Variants in DNAH9 observed in about 807,000 individuals in gnomAD.
DNAH9 encodes DNAH9 variant protein.
Under a neutral mutation model 471.6 loss-of-function variants are expected in DNAH9, and 345 were observed. The observed-to-expected ratio is 0.73, with a 90% confidence interval of 0.67 to 0.80. DNAH9 has a LOEUF of 0.80. Among genes scored for constraint, DNAH9 ranks in the 30% least tolerant of loss-of-function variants. DNAH9 has a pLI of 0.00. For missense variants in DNAH9, 5,407 were observed against 5,609.2 expected, an observed-to-expected ratio of 0.96 and a Z score of 1.15; for synonymous variants, 2,093 against 2,123.6, an observed-to-expected ratio of 0.99 and a Z score of 0.40.
intron 50 of DNAH9, among the ~76,000 whole-genome samples, chr17:11,858,433 T>G (rs1244207466): frequency 6.6e-6 from 1 of 152,242 alleles, no homozygotes; most frequent in Non-Finnish European, 1.5e-5. Flanking sequence ...AAATCTTATT[T>G]TAGGTCAGTC....
chr17:11,793,363 C>T, intron 41 of DNAH9, 140 bp from the exon 42 acceptor site: 1 of 689,770 alleles, frequency 1.4e-6, no homozygotes, highest in Non-Finnish European at 2.3e-6. Flanking sequence ...CTCAGTGTTC[C>T]CTCCACTAGA....
intron 41 of DNAH9, among the ~76,000 whole-genome samples, chr17:11,788,969 A>T (rs941408468): frequency 6.6e-6 from 1 of 152,032 alleles, no homozygotes; most frequent in Non-Finnish European, 1.5e-5. Flanking sequence ...TTAACAAATG[A>T]TTTTTCTGCC....
At chr17:11,761,520 A>G (rs1967665551) in intron 35 of DNAH9, among the ~76,000 whole-genome samples, 1 of 152,192 alleles carries the variant, frequency 6.6e-6, no homozygotes, top group African/African-American at 2.4e-5. Flanking sequence ...TCCCGCTCCC[A>G]CACAAACCCC....
At chr17:11,904,002 A>T (rs901703887) in intron 60 of DNAH9, among the ~76,000 whole-genome samples, 1 of 152,232 alleles carries the variant, frequency 6.6e-6, no homozygotes, top group African/African-American at 2.4e-5. Context: ...GGCAAAGAAT[A>T]GGTGAAGTCA....
Position 11,719,852 on chromosome 17 carries a change from C to G in DNAH9, c.5709+362C>G, listed in dbSNP as rs140473109. 2.8e-3 allele frequency among the ~76,000 whole-genome samples: 423 copies of G among 152,264 alleles called. 1 individual carries two copies. Among genetic ancestry groups the G allele is most frequent in the Non-Finnish European group, 4.1e-3 (276 of 68,032 alleles). ...AATTTCCCTATTTGACCTAGAAACACAGAAAGGCTCACAAGTAGCCAAGAT... is the reference window on the plus strand; with the variant it reads ...AATTTCCCTATTTGACCTAGAAACAGAGAAAGGCTCACAAGTAGCCAAGAT... On this transcript the variant is annotated intron_variant, in intron 27 of 68. Transcript: ENST00000262442.
intron 50 of DNAH9, among the ~76,000 whole-genome samples, chr17:11,859,221 C>T (rs544188967): frequency 1.4e-4 from 22 of 151,790 alleles, no homozygotes; most frequent in Admixed American, 3.9e-4. Flanking sequence ...GAGACCACCT[C>T]GGCCCACATG....
intron 43 of DNAH9, among the ~76,000 whole-genome samples, chr17:11,799,350 T>A (rs958663575): frequency 6.6e-6 from 1 of 152,150 alleles, no homozygotes; most frequent in Non-Finnish European, 1.5e-5. Context: ...TTTCCCTTTT[T>A]AAAAATTTTA....
intron 43 of DNAH9, among the ~76,000 whole-genome samples, chr17:11,800,901 G>A (rs1969431589): frequency 6.6e-6 from 1 of 152,212 alleles, no homozygotes; most frequent in South Asian, 2.1e-4. Context: ...TGTTATATGA[G>A]ACTAAATCAT....
intron 27 of DNAH9, chr17:11,723,050 C>G (rs2075089389): frequency 1.3e-5 from 2 of 152,342 alleles, no homozygotes; most frequent in African/African-American, 4.8e-5. Context: ...TCCTCGGTCT[C>G]ATTTGCTGAT....
intron 14 of DNAH9, among the ~76,000 whole-genome samples, chr17:11,658,588 A>G (rs1161927218): frequency 1.3e-5 from 2 of 152,016 alleles, no homozygotes; most frequent in African/African-American, 4.8e-5. Flanking sequence ...TTCCAATTAT[A>G]TGGAGACACA....
chr17:11,743,467 T>G (rs2075462234), intron 30 of DNAH9, among the ~76,000 whole-genome samples: 5 of 152,166 alleles, frequency 3.3e-5, no homozygotes, highest in Admixed American at 3.3e-4. Flanking sequence ...AGTGATTATT[T>G]AAAAACGCTC....
intron 67 of DNAH9, among the ~76,000 whole-genome samples, chr17:11,949,605 C>T (rs768952483): frequency 6.6e-6 from 1 of 152,092 alleles, no homozygotes; most frequent in Non-Finnish European, 1.5e-5. Context: ...CCTCAACCTC[C>T]TGAGTAGCTG....
rs371827699 is a variant in DNAH9 at position 11,869,190 on chromosome 17, C to G, written c.9990C>G (p.Asp3330Glu). ...LTARFEKATADKLKCQQEAEV... is the reference protein window; with the variant it reads ...LTARFEKATAEKLKCQQEAEV... ...CCAGGTTTGAGAAAGCAACAGCAGA[C>G]AAACTCAAATGTCAGCAAGAAGCCG... Residue 3330 changes from aspartate (D) to glutamate (E), a missense_variant, in exon 51 of 69, where the codon GAC (aspartate) becomes GAG (glutamate). Physicochemically the swap from Asp to Glu is conservative, Grantham distance 45. Transcript: ENST00000262442. 2 of 1,613,708 alleles carry G rather than the reference C, an allele frequency of 1.2e-6. No individual in the cohort carries two copies. Among genetic ancestry groups the G allele is most frequent in the Non-Finnish European group, 1.7e-6 (2 of 1,179,816 alleles).
intron 30 of DNAH9, 131 bp downstream of exon 30, chr17:11,742,444 G>A (rs2150836384): frequency 1.2e-6 from 1 of 868,488 alleles, no homozygotes; most frequent in Non-Finnish European, 1.8e-6. Context: ...CCATAAGCAT[G>A]TCGAAACCTC....
chr17:11,821,290 A>G (rs1970301459), intron 45 of DNAH9, among the ~76,000 whole-genome samples: 2 of 28,532 alleles, frequency 7.0e-5, no homozygotes, highest in Non-Finnish European at 1.7e-4. Context: ...CTATCTCAAA[A>G]AAAAAAAAAA....
chr17:11,960,219 T>A (rs1975965754), intron 67 of DNAH9, among the ~76,000 whole-genome samples: 1 of 152,080 alleles, frequency 6.6e-6, no homozygotes, highest in African/African-American at 2.4e-5. Flanking sequence ...GTGGATCACC[T>A]GAGGTCAGGA....
intron 25 of DNAH9, among the ~76,000 whole-genome samples, 160 bp downstream of exon 25, chr17:11,704,602 A>G (rs1320018189): frequency 2.8e-4 from 31 of 109,938 alleles, no homozygotes; most frequent in Middle Eastern, 5.8e-3. Flanking sequence ...TTTTTTTTTG[A>G]GATTGAGTTT....
chr17:11,733,793 G>A (rs1036546670), intron 28 of DNAH9, among the ~76,000 whole-genome samples: 3 of 149,734 alleles, frequency 2.0e-5, no homozygotes, highest in Non-Finnish European at 4.4e-5. Flanking sequence ...CCCGGGAGGT[G>A]GAGCTTGCAG....
At chr17:11,857,736 C>A (rs1290837132) in intron 50 of DNAH9, among the ~76,000 whole-genome samples, 2 of 152,128 alleles carry the variant, frequency 1.3e-5, no homozygotes, top group Non-Finnish European at 2.9e-5. Flanking sequence ...TTTGTGTTGT[C>A]AGGAGAATCC....
Sources: allele counts gnomAD v4.1 joint callset (sites outside exome capture counted in the v4.1 genomes callset), GRCh38; gene constraint gnomAD v4.1.1; transcripts MANE v1.5; gene names NCBI Gene and HGNC (gene_info 2026-07-23, HGNC 2026-07-21).